CKAP5: variants seen among roughly 807,000 people sequenced by gnomAD.
CKAP5 encodes the protein cytoskeleton associated protein 5, also known as cytoskeleton-associated protein 5.
CKAP5 carries 27 observed loss-of-function variants against 232.8 expected under a neutral mutation model. The observed-to-expected ratio is 0.12, with a 90% CI of 0.09 to 0.16. The LOEUF is 0.16. Ranked by LOEUF, CKAP5 falls within the 10% of genes least tolerant of loss-of-function variation. The pLI is 1.00. For missense variants in CKAP5, 1,838 were observed against 2,424.7 expected (o/e 0.76, Z 5.08); for synonymous variants, 785 against 841.1 (o/e 0.93, Z 1.16).
At chr11:46,843,334 G>T (rs1020978868) in intron 1 of CKAP5, among the ~76,000 whole-genome samples, 2 of 152,110 alleles carry the variant, frequency 1.3e-5, no homozygotes, top group African/African-American at 4.8e-5. Context: ...AGGTAAAATG[G>T]TCAGGGAGTG....
At chr11:46,826,218 C>T (rs1939648577) in intron 1 of CKAP5, among the ~76,000 whole-genome samples, 1 of 152,118 alleles carries the variant, frequency 6.6e-6, no homozygotes, top group Admixed American at 6.5e-5. Context: ...GAAAGGTTAA[C>T]TGGACTCTTC....
intron 42 of CKAP5, among the ~76,000 whole-genome samples, chr11:46,746,480 T>G (rs2065023146): frequency 6.6e-6 from 1 of 152,226 alleles, no homozygotes; most frequent in Non-Finnish European, 1.5e-5. Context: ...TTCATTGTTA[T>G]GTGAACACCT....
chr11:46,752,837 T>G, intron 37 of CKAP5, 127 bp from the exon 38 acceptor site: 1 of 645,510 alleles, frequency 1.5e-6, no homozygotes, highest in Non-Finnish European at 2.7e-6. Flanking sequence ...GATCAGGAAT[T>G]GTCCTGGACT....
intron 35 of CKAP5, among the ~76,000 whole-genome samples, chr11:46,757,324 C>T (rs1024039966): frequency 2.6e-5 from 4 of 150,986 alleles, no homozygotes; most frequent in African/African-American, 7.3e-5. Flanking sequence ...GAAACCCTGT[C>T]TCTACTAAAA....
At chr11:46,792,689 TAGA>T (rs768003481) in intron 13 of CKAP5, among the ~76,000 whole-genome samples, 1 of 152,174 alleles carries the variant, frequency 6.6e-6, no homozygotes. Flanking sequence ...AGAATGGGAA[TAGA>T]AGGAGGTTGC....
At chr11:46,817,622 T>C (rs188094039) in intron 3 of CKAP5, among the ~76,000 whole-genome samples, 2 of 152,320 alleles carry the variant, frequency 1.3e-5, no homozygotes, top group African/African-American at 4.8e-5. Flanking sequence ...GGTATAATCT[T>C]TGAAGTAAGT....
intron 1 of CKAP5, among the ~76,000 whole-genome samples, chr11:46,822,006 T>G (rs1237827924): frequency 1.3e-5 from 2 of 152,006 alleles, no homozygotes; most frequent in Non-Finnish European, 2.9e-5. Context: ...CCCACTGCAT[T>G]CCAGCCTGGG....
rs770841397 is a variant in CKAP5, at chr11:46,744,408, G to T, written c.5856+18C>A. On this transcript the variant is annotated intron_variant, in intron 43 of 43. Coordinates refer to ENST00000529230, the MANE Select transcript of CKAP5 (RefSeq NM_001008938.4). ...GTGACTACCCTCCCTGAACTGCACA[G>T]AAGAAAAGGAGCAGTACCTTTGTGT... 1.2e-6 allele frequency: 2 copies of T among 1,614,142 alleles called. No homozygotes were observed. The highest frequency in any genetic ancestry group is 1.7e-6 in the Non-Finnish European group (2 of 1,180,014).
chr11:46,823,869 C>T (rs1362975322), intron 1 of CKAP5, among the ~76,000 whole-genome samples: 3 of 152,150 alleles, frequency 2.0e-5, no homozygotes, highest in Non-Finnish European at 4.4e-5. Flanking sequence ...AACATAGAAG[C>T]GGTCCTCCGT....
intron 1 of CKAP5, among the ~76,000 whole-genome samples, chr11:46,821,650 C>A (rs988286029): frequency 5.9e-5 from 9 of 151,900 alleles, no homozygotes; most frequent in African/African-American, 2.2e-4. Context: ...CAGTCTCGAT[C>A]CTGACCTCGT....
chr11:46,830,440 CAAAAAAAAAAAAAAA>C (rs71042623), intron 1 of CKAP5, among the ~76,000 whole-genome samples: 1 of 67,932 alleles, frequency 1.5e-5, no homozygotes, highest in African/African-American at 5.7e-5. Context: ...GACTCCGTCT[CAAAAAAAAAAAAAAA>C]AAAAAAAAAT....
At position 46,818,534 on chromosome 11, in the gene CKAP5, C is replaced by T. The variant is rs745646818; in HGVS notation, c.58-31G>A. ...AGAAAAGTAGTATTTTGAAACAAAA[C>T]ATAATTTAATGATATTATCATCTAC... On this transcript the variant is annotated intron_variant, in intron 2 of 43. Coordinates refer to ENST00000529230, the MANE Select transcript of CKAP5 (RefSeq NM_001008938.4). 2.1e-6 allele frequency: 3 copies of T among 1,431,092 alleles called. No individual in the cohort carries two copies. The South Asian group carries it at 4.5e-5, about 21-fold the overall frequency. The allele number at this position is 1,431,092 out of a possible 1,614,324, so 88.6% of individuals were successfully genotyped here. A position where few individuals can be genotyped will look rare whatever the true frequency, so the allele number is the denominator to read the frequency against.
intron 12 of CKAP5, 68 bp downstream of exon 12, chr11:46,796,744 G>C (rs1938886345): frequency 1.3e-6 from 2 of 1,573,844 alleles, no homozygotes; most frequent in Admixed American, 1.7e-5. Context: ...TAACTGTCAA[G>C]AGACAAAGCC....
chr11:46,791,257 T>G (rs10838619), intron 13 of CKAP5, among the ~76,000 whole-genome samples: 109,413 of 147,908 alleles, frequency 0.74, 40,807 homozygotes, highest in African/African-American at 0.81. Flanking sequence ...TTTTTTTTTT[T>G]TTTGTTTTCT....
At chr11:46,845,594 G>A (rs1940167518) in intron 1 of CKAP5, among the ~76,000 whole-genome samples, 1 of 152,142 alleles carries the variant, frequency 6.6e-6, no homozygotes, top group South Asian at 2.1e-4. Flanking sequence ...CCACACTGCT[G>A]GCTATTGTAT....
At chr11:46,797,065 G>C in intron 11 of CKAP5, 125 bp from the exon 12 acceptor site, 2 of 1,057,520 alleles carry the variant, frequency 1.9e-6, no homozygotes, top group Non-Finnish European at 2.7e-6. Context: ...ACTAAGTATA[G>C]CTTTCCTTGT....
chr11:46,770,194 G>A, intron 25 of CKAP5, 96 bp from the exon 26 acceptor site: 1 of 1,321,852 alleles, frequency 7.6e-7, no homozygotes, highest in Non-Finnish European at 1.1e-6. Flanking sequence ...AAATGATTGA[G>A]CTCCTAGTTT....
At chr11:46,797,061 T>C (rs1938894207) in intron 11 of CKAP5, 121 bp from the exon 12 acceptor site, 3 of 1,093,526 alleles carry the variant, frequency 2.7e-6, no homozygotes, top group East Asian at 2.6e-5. Flanking sequence ...TGGAACTAAG[T>C]ATAGCTTTCC....
chr11:46,774,067 G>C (rs1222891263), intron 24 of CKAP5, among the ~76,000 whole-genome samples: 1 of 152,162 alleles, frequency 6.6e-6, no homozygotes, highest in Non-Finnish European at 1.5e-5. Context: ...AATAGGAAGA[G>C]AGGAAGTCAA....
Sources: gnomAD v4.1 joint callset for allele counts (sites outside exome capture counted in the v4.1 genomes callset) on GRCh38, gnomAD v4.1.1 for gene constraint, MANE v1.5 for transcripts, NCBI Gene and HGNC (gene_info 2026-07-23, HGNC 2026-07-21) for gene names.